Variants in ARHGAP44 observed in about 807,000 individuals in gnomAD.
ARHGAP44 encodes rho GTPase-activating protein 44.
Under a neutral mutation model 106.8 loss-of-function variants are expected in ARHGAP44, and 43 were observed. That is an observed-to-expected ratio of 0.40 (90% CI 0.32 to 0.52). The LOEUF (loss-of-function observed/expected upper bound fraction) is 0.52, where lower values mean the gene tolerates loss of function less well. ARHGAP44 is among the 20% of genes least tolerant of loss of function. The probability of loss-of-function intolerance (pLI) is 0.48; values close to 1 mark genes in which losing one functional copy is unlikely to be tolerated. For synonymous variants in ARHGAP44, 439 were observed against 410.3 expected (o/e 1.07, Z -0.85); for missense variants, 866 against 1,050.5 (o/e 0.82, Z 2.43).
At chr17:12,842,403 C>T (rs760592984) in intron 1 of ARHGAP44, among the ~76,000 whole-genome samples, 7 of 121,234 alleles carry the variant, frequency 5.8e-5, no homozygotes, top group East Asian at 4.5e-4. Context: ...GGTGACAGAG[C>T]GAGACCATCT....
At position 12,956,631 on chromosome 17, in the gene ARHGAP44, T is replaced by C. The variant is rs545484559; in HGVS notation, c.1251-24T>C. On this transcript the variant is annotated intron_variant, in intron 14 of 20. Coordinates refer to ENST00000379672, the MANE Select transcript of ARHGAP44 (RefSeq NM_014859.6). Reference sequence around the variant, plus strand: ...TGCCTCAGCTGCTAACTCCACCCTGTTTGCCTCTGCTCTCTGCTTACAGGA... The same window carrying C: ...TGCCTCAGCTGCTAACTCCACCCTGCTTGCCTCTGCTCTCTGCTTACAGGA... 68 of 1,608,326 alleles carry C rather than the reference T, an allele frequency of 4.2e-5. 1 individual carries two copies. In the South Asian group the frequency reaches 6.7e-4, roughly 16 times the overall value.
chr17:12,820,511 T>C (rs1176824743), intron 1 of ARHGAP44, among the ~76,000 whole-genome samples: 6 of 152,112 alleles, frequency 3.9e-5, no homozygotes, highest in African/African-American at 1.4e-4. Context: ...ATGGAGTTGA[T>C]AAGCTGTTGT....
rs187672309 is a variant in ARHGAP44 at position 12,899,408 on chromosome 17, A to G, written c.198+2897A>G. On this transcript the variant is annotated intron_variant, in intron 3 of 20. Coordinates refer to ENST00000379672, the MANE Select transcript of ARHGAP44 (RefSeq NM_014859.6). ...TAGGAAACAATCAAAGAACTGTGGG[A>G]AAAAAATTTCCAAACTCAATTTTTT... 1.3e-3 allele frequency among the ~76,000 whole-genome samples: 194 copies of G among 152,288 alleles called. 2 individuals carry two copies. Among genetic ancestry groups the G allele is most frequent in the Admixed American group, 0.012 (180 of 15,280 alleles).
In ARHGAP44 at chr17:12,978,065, C is replaced by T. The variant is rs12950645; in HGVS notation, c.1764-1993C>T. Among the ~76,000 whole-genome samples, 7 of 118,548 alleles carry T rather than the reference C, an allele frequency of 5.9e-5. No homozygotes were observed. In the East Asian group the frequency reaches 2.3e-3, roughly 39 times the overall value. 77.8% of individuals were successfully genotyped at this position (118,548 alleles called of 152,430 possible). On this transcript the variant is annotated intron_variant, in intron 18 of 20. Coordinates refer to ENST00000379672, the MANE Select transcript of ARHGAP44 (RefSeq NM_014859.6). The stretch of plus-strand genomic sequence containing the variant: ...AAAAAAAAAAAAAAAAAGTGTGTTT[C>T]GTGGCAGGGAACAGAAGGAAGAGCT...
intron 1 of ARHGAP44, among the ~76,000 whole-genome samples, chr17:12,796,527 T>A (rs1476511632): frequency 1.3e-5 from 2 of 152,178 alleles, no homozygotes; most frequent in African/African-American, 4.8e-5. Flanking sequence ...TCTCCCTAAG[T>A]GCTGGGATTA....
Position 12,830,520 on chromosome 17 carries a change from C to T in ARHGAP44, c.53+40629C>T, listed in dbSNP as rs114720493. ...TTATCATAGGAGATATTTCCTAAGT[C>T]GCTCTTATGCTCTCCTTTACCTGGT... On this transcript the variant is annotated intron_variant, in intron 1 of 20. Coordinates refer to ENST00000379672, the MANE Select transcript of ARHGAP44 (RefSeq NM_014859.6). Among the ~76,000 whole-genome samples the T allele has an allele frequency of 9.6e-3, 1,466 of 152,184 alleles. 29 individuals carry two copies. Among genetic ancestry groups the T allele is most frequent in the African/African-American group, 0.033 (1,363 of 41,508 alleles).
intron 3 of ARHGAP44, 98 bp downstream of exon 3, chr17:12,896,609 G>C (rs1206409883): frequency 1.9e-6 from 2 of 1,040,394 alleles, no homozygotes; most frequent in Admixed American, 4.6e-5. Context: ...TTATGTAGCT[G>C]CTTACGTGCC....
In ARHGAP44 at chr17:12,949,527, G is replaced by T; in HGVS notation, c.974-122G>T. 3 of 881,622 alleles carry T rather than the reference G, an allele frequency of 3.4e-6. No homozygotes were observed. The highest frequency in any genetic ancestry group is 5.3e-6 in the Non-Finnish European group (3 of 566,106). 54.6% of individuals were successfully genotyped at this position (881,622 alleles called of 1,614,324 possible). On this transcript the variant is annotated intron_variant, in intron 11 of 20. Transcript: ENST00000379672. The surrounding 1 kb of genome is among the most constrained non-coding windows in gnomAD (Gnocchi z 4.1). ...CCATTTCCATAGGAAGCTACCATTT[G>T]CTGTTGACATGGTGGTCAGGAGGCC...
At position 12,849,594 on chromosome 17, in the gene ARHGAP44, T is replaced by TTTTTTTTTG. The variant is rs11373135; in HGVS notation, c.54-45346_54-45345insTTTTTTTTG. On this transcript the variant is annotated intron_variant, in intron 1 of 20. Coordinates refer to ENST00000379672, the MANE Select transcript of ARHGAP44 (RefSeq NM_014859.6). The stretch of plus-strand genomic sequence containing the variant: ...TTTTTTTTTTTTTTTTTTTTTTTTT[T>TTTTTTTTTG]GCTTGGCTTCAGCGTTTTCACCTTG... Among the ~76,000 whole-genome samples the TTTTTTTTTG allele has an allele frequency of 1.1e-4, 12 of 112,454 alleles. 1 individual carries two copies. Among genetic ancestry groups the TTTTTTTTTG allele is most frequent in the South Asian group, 6.0e-4 (2 of 3,314 alleles). 73.8% of individuals were successfully genotyped at this position (112,454 alleles called of 152,430 possible). A position where few individuals can be genotyped will look rare whatever the true frequency, so the allele number is the denominator to read the frequency against.
intron 20 of ARHGAP44, among the ~76,000 whole-genome samples, chr17:12,989,111 A>AAC (rs2040039215): frequency 1.4e-5 from 2 of 140,346 alleles, no homozygotes; most frequent in Non-Finnish European, 3.2e-5. Context: ...CAAAAAAAAA[A>AAC]AAAAAAAAAA....
chr17:12,911,667 C>T lies in ARHGAP44; in HGVS notation c.275+2694C>T, dbSNP rs536475552. ...ACATGTCTAGGAACCTGTCATCCCCCGACTCCCGCCTGAGCAGAATTCTCT... is the reference window on the plus strand; with the variant it reads ...ACATGTCTAGGAACCTGTCATCCCCTGACTCCCGCCTGAGCAGAATTCTCT... On this transcript the variant is annotated intron_variant, in intron 4 of 20. Coordinates refer to ENST00000379672, the MANE Select transcript of ARHGAP44 (RefSeq NM_014859.6). Among the ~76,000 whole-genome samples the T allele has an allele frequency of 1.4e-3, 215 of 152,210 alleles. 1 individual carries two copies. The highest frequency in any genetic ancestry group is 1.9e-3 in the South Asian group (9 of 4,826).
intron 10 of ARHGAP44, among the ~76,000 whole-genome samples, chr17:12,944,444 T>G (rs1028828614): frequency 1.3e-5 from 2 of 152,136 alleles, no homozygotes; most frequent in Non-Finnish European, 2.9e-5. Flanking sequence ...CTAGTCATTC[T>G]TTCCCCTGGT....
intron 1 of ARHGAP44, among the ~76,000 whole-genome samples, chr17:12,844,454 C>T (rs1005432269): frequency 1.3e-5 from 2 of 152,218 alleles, no homozygotes; most frequent in Non-Finnish European, 2.9e-5. Flanking sequence ...GAACTCTGCC[C>T]TCATGACCCA....
chr17:12,814,301 C>T (rs1315756551), intron 1 of ARHGAP44, among the ~76,000 whole-genome samples: 6 of 134,632 alleles, frequency 4.5e-5, no homozygotes, highest in South Asian at 4.9e-4. Flanking sequence ...AGTGCAGTGG[C>T]GTGATCTCGG....
chr17:12,973,458 C>T, intron 17 of ARHGAP44, 139 bp downstream of exon 17: 1 of 857,032 alleles, frequency 1.2e-6, no homozygotes, highest in Admixed American at 2.4e-5. Context: ...GTGTGCCCAT[C>T]ATTAAAATAG....
chr17:12,973,022 C>G lies in ARHGAP44; in HGVS notation c.1524-280C>G, dbSNP rs2039568788. 4 of 398,758 alleles carry G rather than the reference C, an allele frequency of 1.0e-5. No homozygotes were observed. The Admixed American group carries it at 1.3e-4, about 13-fold the overall frequency. The allele number at this position is 398,758 out of a possible 1,614,324, so 24.7% of individuals were successfully genotyped here. A position where few individuals can be genotyped will look rare whatever the true frequency, so the allele number is the denominator to read the frequency against. ...AGCAGATGACTACTTTTACCAGTTT[C>G]TTTCTTCCTTCTGCCTCTTTCTTCC... On this transcript the variant is annotated intron_variant, in intron 16 of 20. Transcript: ENST00000379672.
chr17:12,894,263 C>T (rs995577683), intron 1 of ARHGAP44, among the ~76,000 whole-genome samples: 15 of 146,882 alleles, frequency 1.0e-4, no homozygotes, highest in Non-Finnish European at 1.3e-4. Flanking sequence ...TGTGTGTGCA[C>T]GTGCGTGCGT....
At chr17:12,897,434 CT>C (rs11464642) in intron 3 of ARHGAP44, among the ~76,000 whole-genome samples, 367 of 140,522 alleles carry the variant, frequency 2.6e-3, no homozygotes, top group Middle Eastern at 0.014. Context: ...CGAGTCATTT[CT>C]TTTTTTTTTT....
At chr17:12,989,855 C>T (rs1430868126) in intron 20 of ARHGAP44, among the ~76,000 whole-genome samples, 177 bp from the exon 21 acceptor site, 1 of 152,154 alleles carries the variant, frequency 6.6e-6, no homozygotes, top group African/African-American at 2.4e-5. Flanking sequence ...AGAAGCAAAG[C>T]AGGCATGAGC....
Sources: gnomAD v4.1 joint callset for allele counts (sites outside exome capture counted in the v4.1 genomes callset) on GRCh38, gnomAD v4.1.1 for gene constraint, Gnocchi (gnomAD v3.1) non-coding constraint, MANE v1.5 for transcripts, NCBI Gene and HGNC (gene_info 2026-07-23, HGNC 2026-07-21) for gene names.